DOT1L: variants seen among roughly 807,000 people sequenced by gnomAD.
DOT1L encodes histone-lysine N-methyltransferase, H3 lysine-79 specific.
DOT1L carries 33 observed loss-of-function variants against 153.3 expected under a neutral mutation model. The observed-to-expected ratio is 0.22, with a 90% CI of 0.16 to 0.29. The LOEUF is 0.29. Ranked by LOEUF, DOT1L falls within the 10% of genes least tolerant of loss-of-function variation. The pLI, the probability that DOT1L is intolerant of heterozygous loss-of-function variation, is 1.00. For synonymous variants in DOT1L, 1,135 were observed against 965.1 expected, an observed-to-expected ratio of 1.18 and a Z score of -3.26; for missense variants, 1,847 against 2,119.9, an observed-to-expected ratio of 0.87 and a Z score of 2.53.
In DOT1L at chr19:2,232,475, G is replaced by C. The variant is rs2024648288; in HGVS notation, c.*2683G>C. ...GAACTGTATTTGGATTGCGCGCATT[G>C]TCACGGTCCGCCCCTGGGCTGCAGG... is the stretch of plus-strand genomic sequence containing the variant. On this transcript the variant is annotated 3_prime_UTR_variant, in exon 28 of 28. Transcript: ENST00000398665. 4.5e-6 allele frequency: 1 copy of C among 222,130 alleles called. No homozygotes were observed. Among genetic ancestry groups the C allele is most frequent in the African/African-American group, 2.2e-5 (1 of 44,590 alleles). 13.8% of individuals were successfully genotyped at this position (222,130 alleles called of 1,614,324 possible). A position where few individuals can be genotyped will look rare whatever the true frequency, so the allele number is the denominator to read the frequency against.
chr19:2,221,694 C>T (rs868126281), intron 23 of DOT1L: 17 of 469,122 alleles, frequency 3.6e-5, no homozygotes, highest in South Asian at 9.3e-5. Context: ...GCGGGGAGCC[C>T]GCACCAGGAG....
chr19:2,198,116 C>T (rs2023095820), intron 7 of DOT1L, among the ~76,000 whole-genome samples: 1 of 152,218 alleles, frequency 6.6e-6, no homozygotes. Flanking sequence ...GGCCCCAGAG[C>T]CCATCCTGTC....
chr19:2,171,797 G>A (rs1032781580), intron 1 of DOT1L, among the ~76,000 whole-genome samples: 4 of 152,216 alleles, frequency 2.6e-5, no homozygotes, highest in African/African-American at 4.8e-5. Flanking sequence ...TGAAGTTAGC[G>A]TAATGGGAGT....
At chr19:2,169,563 G>A (rs1275738199) in intron 1 of DOT1L, among the ~76,000 whole-genome samples, 2 of 151,870 alleles carry the variant, frequency 1.3e-5, no homozygotes, top group South Asian at 2.1e-4. Context: ...GCCCAATCTC[G>A]GCTCACTGCA....
chr19:2,219,535 CCT>C (rs1383043688), intron 22 of DOT1L, among the ~76,000 whole-genome samples: 1 of 152,154 alleles, frequency 6.6e-6, no homozygotes, highest in Non-Finnish European at 1.5e-5. Context: ...GGCTTGATTC[CCT>C]GTTTTGGCGA....
rs1397211295 is a variant in DOT1L, at chr19:2,199,924, G to A, written c.692G>A (p.Arg231Gln). 1.9e-6 allele frequency: 3 copies of A among 1,613,884 alleles called. No homozygotes were observed. Among genetic ancestry groups the A allele is most frequent in the African/African-American group, 1.3e-5 (1 of 74,918 alleles). Residue 231 changes from arginine to glutamine, a missense_variant, in exon 8 of 28, where the codon CGA (arginine) becomes CAA (glutamine). Physicochemically the swap from Arg to Gln is conservative, Grantham distance 43. Coordinates refer to ENST00000398665, the MANE Select transcript of DOT1L (RefSeq NM_032482.3). ...GDFLSEEWRERIANTSVIFVN... is the reference protein window; with the variant it reads ...GDFLSEEWREQIANTSVIFVN... ...TTCCTCTCAGAAGAGTGGAGGGAGC[G>A]AATCGCCAACACGAGGTATGGCCAG...
At chr19:2,178,368 GA>G (rs367964093) in intron 1 of DOT1L, among the ~76,000 whole-genome samples, 51 of 85,842 alleles carry the variant, frequency 5.9e-4, no homozygotes, top group South Asian at 2.2e-3. Flanking sequence ...GTCTCTACCA[GA>G]AAAAAAAAAA....
At position 2,193,655 on chromosome 19, in the gene DOT1L, C is replaced by T; in HGVS notation, c.494-34C>T. The stretch of plus-strand genomic sequence containing the variant: ...CGGCCTCCCGGGTGGCATCTGAGCG[C>T]TGTGTGGTATCTGATGGATCTCTCT... On this transcript the variant is annotated intron_variant, in intron 5 of 27. Coordinates refer to ENST00000398665, the MANE Select transcript of DOT1L (RefSeq NM_032482.3). The surrounding 1 kb of genome is among the most constrained non-coding windows in gnomAD (Gnocchi z 5.9). 6.2e-7 allele frequency: 1 copy of T among 1,607,196 alleles called. No homozygotes were observed. The highest frequency in any genetic ancestry group is 8.5e-7 in the Non-Finnish European group (1 of 1,174,342).
intron 23 of DOT1L, 55 bp from the exon 24 acceptor site, chr19:2,221,909 CTCCCACAGCAAG>C (rs1353817240): frequency 1.4e-6 from 2 of 1,455,620 alleles, no homozygotes; most frequent in Admixed American, 2.2e-5. Flanking sequence ...GGGGGTGGTG[CTCCCACAGCAAG>C]GCTTTCTCTT....
chr19:2,231,885 G>A lies in DOT1L; in HGVS notation c.*2093G>A, dbSNP rs999726783. 4.1e-5 allele frequency: 9 copies of A among 219,938 alleles called. No individual in the cohort carries two copies. Among genetic ancestry groups the A allele is most frequent in the Admixed American group, 1.2e-4 (2 of 17,280 alleles). 13.6% of individuals were successfully genotyped at this position (219,938 alleles called of 1,614,324 possible). On this transcript the variant is annotated 3_prime_UTR_variant, in exon 28 of 28. Coordinates refer to ENST00000398665, the MANE Select transcript of DOT1L (RefSeq NM_032482.3). ...GCAGGCCACCGTATGTTCAGGACAC[G>A]CACTGGGTCTCAGAGCCACTGGCCC...
Position 2,216,401 on chromosome 19 carries a change from G to A in DOT1L, c.2044G>A (p.Glu682Lys). ...HLRGKGALGRELEPDASRLHL... is the reference protein window; with the variant it reads ...HLRGKGALGRKLEPDASRLHL... The stretch of plus-strand genomic sequence containing the variant: ...GCGTGGGAAGGGCGCCCTGGGCCGC[G>A]AGCTGGAGCCTGACGCCAGCCGGCT... The change falls in exon 20 of 28, where the codon GAG becomes AAG. Residue 682 changes from glutamate to lysine, a missense_variant. Physicochemically the swap from Glu to Lys is moderately conservative, Grantham distance 56 (BLOSUM62 1). Coordinates refer to ENST00000398665, the MANE Select transcript of DOT1L (RefSeq NM_032482.3). The A allele has an allele frequency of 6.2e-6, 10 of 1,612,416 alleles. No homozygotes were observed. Among genetic ancestry groups the A allele is most frequent in the Non-Finnish European group, 7.6e-6 (9 of 1,179,876 alleles).
chr19:2,214,266 G>A (rs1476097384), intron 18 of DOT1L: 1 of 901,004 alleles, frequency 1.1e-6, no homozygotes, highest in Non-Finnish European at 1.6e-6. Flanking sequence ...TCGTGGTGTG[G>A]GTGCTGGAGC....
At chr19:2,168,053 T>C (rs2144645181) in intron 1 of DOT1L, among the ~76,000 whole-genome samples, 1 of 152,212 alleles carries the variant, frequency 6.6e-6, no homozygotes, top group East Asian at 1.9e-4. Flanking sequence ...AGCAGCACAT[T>C]TATTCATGAT....
rs2144869909 is a variant in DOT1L at position 2,216,722 on chromosome 19, C to T, written c.2365C>T (p.His789Tyr). ...GCTGAGGCGGCACCTGAGCCAGGAC[C>T]ACACGGTGCCCGGCAGGCCGGCTGC... ...IVLRRHLSQD[H>Y]TVPGRPAASE... Residue 789 changes from histidine to tyrosine, a missense_variant, in exon 20 of 28, where the codon CAC becomes TAC. Transcript: ENST00000398665. 6.3e-7 allele frequency: 1 copy of T among 1,599,628 alleles called. No individual in the cohort carries two copies. The highest frequency in any genetic ancestry group is 8.5e-7 in the Non-Finnish European group (1 of 1,178,320).
intron 25 of DOT1L, among the ~76,000 whole-genome samples, chr19:2,224,137 C>T (rs1312226255): frequency 6.6e-6 from 1 of 152,220 alleles, no homozygotes; most frequent in Non-Finnish European, 1.5e-5. Flanking sequence ...TCCTCGGTCC[C>T]TGTCGTGGCT....
chr19:2,176,964 G>A (rs769741268), intron 1 of DOT1L, among the ~76,000 whole-genome samples: 2 of 152,160 alleles, frequency 1.3e-5, no homozygotes, highest in Admixed American at 6.5e-5. Context: ...ACCCCGATAT[G>A]AGGGAGCAGG....
chr19:2,191,420 G>C lies in DOT1L; in HGVS notation c.493+180G>C. 1 of 663,052 alleles carries C rather than the reference G, an allele frequency of 1.5e-6. No homozygotes were observed. Among genetic ancestry groups the C allele is most frequent in the Admixed American group, 2.8e-5 (1 of 36,114 alleles). The allele number at this position is 663,052 out of a possible 1,614,324, so 41.1% of individuals were successfully genotyped here. On this transcript the variant is annotated intron_variant, in intron 5 of 27. Transcript: ENST00000398665. This position sits in a 1 kb window ranked among gnomAD's most constrained non-coding sequence, Gnocchi z 6.8. ...CGTTCCTTTCCCCAGCCCTGACCGGGCTCCACCCAGAGGGGAGAAATCGCA... is the reference window on the plus strand; with the variant it reads ...CGTTCCTTTCCCCAGCCCTGACCGGCCTCCACCCAGAGGGGAGAAATCGCA...
At chr19:2,202,909 G>A (rs531760399) in intron 9 of DOT1L, 130 bp downstream of exon 9, 103 of 824,148 alleles carry the variant, frequency 1.2e-4, no homozygotes, top group Non-Finnish European at 1.8e-4. Flanking sequence ...GAGCCAGGTG[G>A]TCTTCCTTTA....
In DOT1L at chr19:2,185,922, A is replaced by C; in HGVS notation, c.193A>C (p.Thr65Pro). ...GAATTACGTTTTAATTGACTATGACACCAAAAGGTAAGCAGAGTCCTGTCC... is the reference window on the plus strand; with the variant it reads ...GAATTACGTTTTAATTGACTATGACCCCAAAAGGTAAGCAGAGTCCTGTCC... Reference protein sequence around the residue: ...MENYVLIDYDTKSFESMQRLC... With the variant: ...MENYVLIDYDPKSFESMQRLC... The change falls in exon 3 of 28, where the codon ACC (threonine) becomes CCC (proline). Residue 65 changes from threonine (T) to proline (P), a missense_variant. Physicochemically the swap from Thr to Pro is conservative, Grantham distance 38 (BLOSUM62 -1). This residue lies in a region of DOT1L where 148 missense variants were observed against 422.3 expected (regional missense o/e 0.35). Coordinates refer to ENST00000398665, the MANE Select transcript of DOT1L (RefSeq NM_032482.3). 1 of 1,614,058 alleles carries C rather than the reference A, an allele frequency of 6.2e-7. No homozygotes were observed. The highest frequency in any genetic ancestry group is 8.5e-7 in the Non-Finnish European group (1 of 1,179,968).
Sources: gnomAD v4.1 joint callset for allele counts (sites outside exome capture counted in the v4.1 genomes callset) on GRCh38, gnomAD v4.1.1 for gene constraint, gnomAD v4.1.1 regional missense constraint, Gnocchi (gnomAD v3.1) non-coding constraint, MANE v1.5 for transcripts, NCBI Gene and HGNC (gene_info 2026-07-23, HGNC 2026-07-21) for gene names.